The following FRY variants were observed in gnomAD, a reference collection of about 807,000 sequenced individuals.
The protein encoded by FRY is protein furry homolog.
In FRY, 128 loss-of-function variants were observed where a neutral mutation model predicts 348.4. That is an observed-to-expected ratio of 0.37 (90% CI 0.32 to 0.43). The LOEUF is 0.43. Ranked by LOEUF, FRY falls within the 20% of genes least tolerant of loss-of-function variation. FRY has a pLI of 1.00. For missense variants in FRY, 2,736 were observed against 3,695.2 expected, an observed-to-expected ratio of 0.74 and a Z score of 6.73; for synonymous variants, 1,370 against 1,374.7, an observed-to-expected ratio of 1.00 and a Z score of 0.08.
intron 1 of FRY, among the ~76,000 whole-genome samples, chr13:32,078,232 G>C (rs1156248497): frequency 1.3e-5 from 2 of 152,158 alleles, no homozygotes; most frequent in Non-Finnish European, 2.9e-5. Context: ...TGAGCCAAAG[G>C]GTGGTGAAAG....
At chr13:32,039,539 G>A (rs1048663109) in intron 1 of FRY, among the ~76,000 whole-genome samples, 1 of 151,814 alleles carries the variant, frequency 6.6e-6, no homozygotes, top group Non-Finnish European at 1.5e-5. Flanking sequence ...ATATATTTCC[G>A]TAAGTTAAAT....
At chr13:32,181,390 T>C (rs923261633) in intron 23 of FRY, among the ~76,000 whole-genome samples, 1 of 146,884 alleles carries the variant, frequency 6.8e-6, no homozygotes, top group Non-Finnish European at 1.5e-5. Flanking sequence ...AGGTCAGGAG[T>C]TTAAGACCAG....
chr13:32,294,629 T>C (rs1030657600), intron 60 of FRY, 59 bp downstream of exon 60: 5 of 1,298,260 alleles, frequency 3.9e-6, no homozygotes, highest in Non-Finnish European at 3.4e-6. Context: ...GTTGTTACTC[T>C]GTCATGGTTG....
intron 37 of FRY, 46 bp from the exon 38 acceptor site, chr13:32,224,887 C>A: frequency 1.8e-6 from 2 of 1,089,148 alleles, no homozygotes; most frequent in Non-Finnish European, 2.9e-6. Flanking sequence ...ACTAGTATTT[C>A]CATCCCCTTC....
At chr13:32,184,528 A>G in intron 24 of FRY, 72 bp from the exon 25 acceptor site, 1 of 909,314 alleles carries the variant, frequency 1.1e-6, no homozygotes, top group South Asian at 1.4e-5. Context: ...CCTTTTGTTA[A>G]TACCATTTTC....
intron 16 of FRY, among the ~76,000 whole-genome samples, chr13:32,160,406 G>A (rs758825337): frequency 6.6e-6 from 1 of 152,050 alleles, no homozygotes; most frequent in Non-Finnish European, 1.5e-5. Flanking sequence ...AAAATAAGTG[G>A]TTAAAAATCT....
intron 1 of FRY, among the ~76,000 whole-genome samples, chr13:32,050,305 C>T (rs1233179648): frequency 6.6e-6 from 1 of 152,068 alleles, no homozygotes; most frequent in South Asian, 2.1e-4. Flanking sequence ...GACAATCTCT[C>T]GGAAAAATAT....
intron 36 of FRY, among the ~76,000 whole-genome samples, chr13:32,221,345 T>G (rs1885302565): frequency 6.6e-6 from 1 of 152,250 alleles, no homozygotes; most frequent in African/African-American, 2.4e-5. Context: ...TAGTATGTTC[T>G]TCCTCTTAAT....
rs928971567 is a variant in FRY, at chr13:32,215,239, A to G, written c.4682+2857A>G. Among the ~76,000 whole-genome samples, 2 of 152,220 alleles carry G rather than the reference A, an allele frequency of 1.3e-5. 1 individual carries two copies. Among genetic ancestry groups the G allele is most frequent in the Non-Finnish European group, 2.9e-5 (2 of 68,040 alleles). ...AAAAAAGCTATTCAAGTTAACAGTA[A>G]TCTATGAAACATTTCAAAATAGCTA... On this transcript the variant is annotated intron_variant, in intron 35 of 60. Transcript: ENST00000542859.
chr13:32,289,737 GC>G lies in FRY; in HGVS notation c.8576del (p.Pro2859GlnfsTer4). The G allele has an allele frequency of 6.3e-7, 1 of 1,583,160 alleles. No homozygotes were observed. Among genetic ancestry groups the G allele is most frequent in the Non-Finnish European group, 8.7e-7 (1 of 1,151,732 alleles). ...IGQVHEVSSM[P>X]ELLNMSRELS... ...GCCAGGTGCACGAAGTTAGCTCCAT[GC>G]CAGAGGTGAGTCCACACGCTTCCCA... On this transcript the variant is annotated frameshift_variant, in exon 59 of 61. Transcript: ENST00000542859. LOFTEE classifies it high-confidence loss of function.
At chr13:32,058,504 A>C (rs1009563411) in intron 1 of FRY, among the ~76,000 whole-genome samples, 1 of 152,114 alleles carries the variant, frequency 6.6e-6, no homozygotes, top group Non-Finnish European at 1.5e-5. Context: ...TCTAAGTTTT[A>C]TGTCTGCTTT....
chr13:32,106,741 T>C (rs1000013025), intron 3 of FRY, among the ~76,000 whole-genome samples: 1 of 152,206 alleles, frequency 6.6e-6, no homozygotes, highest in Non-Finnish European at 1.5e-5. Flanking sequence ...TGACTATGTG[T>C]CCGTCTAAAA....
Position 32,244,073 on chromosome 13 carries a change from A to C in FRY, c.6719A>C (p.Gln2240Pro). ...GAGAAGGGCCTCCCTAGTGTGCAGCAGCCCCTGCTCCAGGTGATCTACAGT... is the reference window on the plus strand; with the variant it reads ...GAGAAGGGCCTCCCTAGTGTGCAGCCGCCCCTGCTCCAGGTGATCTACAGT... ...LLEKGLPSVQ[Q>P]PLLQVIYSLL... The change falls in exon 47 of 61, where the codon CAG (glutamine) becomes CCG (proline). Residue 2240 changes from glutamine (Q) to proline (P), a missense_variant. Gln to Pro is a moderately conservative substitution (Grantham distance 76). Around this residue, in one of 9 missense-constraint regions of FRY, gnomAD observed 789 missense variants for 996.2 expected, o/e 0.79. Transcript: ENST00000542859. The C allele has an allele frequency of 6.2e-7, 1 of 1,614,172 alleles. No homozygotes were observed. The highest frequency in any genetic ancestry group is 8.5e-7 in the Non-Finnish European group (1 of 1,179,992).
chr13:32,249,741 C>A, intron 49 of FRY, 54 bp downstream of exon 49: 2 of 1,539,478 alleles, frequency 1.3e-6, no homozygotes, highest in Non-Finnish European at 1.8e-6. Flanking sequence ...CCTGTTGAGT[C>A]CATGTGGCTG....
rs747728498 is a variant in FRY, at chr13:32,178,307, C to G, written c.2552C>G (p.Pro851Arg). The G allele has an allele frequency of 6.2e-6, 10 of 1,614,170 alleles. No homozygotes were observed. The highest frequency in any genetic ancestry group is 8.5e-6 in the Non-Finnish European group (10 of 1,180,034). ...VWIFAQSVKD[P>R]WVLCLFSFLR... ...ATATTTGCACAGTCTGTCAAAGACC[C>G]CTGGGTCCTCTGCCTCTTCAGCTTC... is the stretch of plus-strand genomic sequence containing the variant. Residue 851 changes from proline (P) to arginine (R), a missense_variant, in exon 21 of 61, where the codon CCC becomes CGC. This residue lies in a region of FRY where 449 missense variants were observed against 576.9 expected (regional missense o/e 0.78). Coordinates refer to ENST00000542859, the MANE Select transcript of FRY (RefSeq NM_023037.3).
rs1311895581 is a variant in FRY, at chr13:32,297,383, CT to C, written c.*1926del. ...TTCTGTGGCTAACCACAGTAGACAA[CT>C]TTCAGAGAGTTTTGTTGGGAGCCAC... On this transcript the variant is annotated 3_prime_UTR_variant, in exon 61 of 61. Coordinates refer to ENST00000542859, the MANE Select transcript of FRY (RefSeq NM_023037.3). The C allele has an allele frequency of 6.6e-6, 1 of 151,742 alleles. No individual in the cohort carries two copies. The highest frequency in any genetic ancestry group is 1.9e-4 in the East Asian group (1 of 5,176). The allele number at this position is 151,742 out of a possible 1,614,324, so 9.4% of individuals were successfully genotyped here.
rs755675800 is a variant in FRY, at chr13:32,185,117, A to G, written c.3288A>G (p.Ala1096=). The G allele has an allele frequency of 1.6e-5, 26 of 1,614,020 alleles. No individual in the cohort carries two copies. The highest frequency in any genetic ancestry group is 1.9e-5 in the Non-Finnish European group (22 of 1,179,972). The change falls in exon 26 of 61, where the codon GCA becomes GCG. Residue 1096 remains alanine, a synonymous_variant. Coordinates refer to ENST00000542859, the MANE Select transcript of FRY (RefSeq NM_023037.3). ...AAGATATCCGGGCACATTTTAGTGC[A>G]ATGGTGGCCAACTTGATTCAGTGTG... ...ILKDIRAHFS[A]MVANLIQCVP... is the part of the protein sequence containing the mutation.
In FRY at chr13:32,262,491, C is replaced by T. The variant is rs978744937; in HGVS notation, c.7779+16C>T. 1 of 1,599,358 alleles carries T rather than the reference C, an allele frequency of 6.3e-7. No homozygotes were observed. The highest frequency in any genetic ancestry group is 1.3e-5 in the African/African-American group (1 of 74,754). On this transcript the variant is annotated intron_variant, in intron 53 of 60. Coordinates refer to ENST00000542859, the MANE Select transcript of FRY (RefSeq NM_023037.3). ...GGGTTCAAAGGTGAAGAGATTTTAA[C>T]AATGATGATTTGTACTTCCCTTAAA...
At chr13:32,127,506 G>A (rs568273357) in intron 7 of FRY, among the ~76,000 whole-genome samples, 11 of 152,026 alleles carry the variant, frequency 7.2e-5, no homozygotes, top group South Asian at 2.1e-4. Context: ...GTCTGAGTGC[G>A]GTGGCTCACA....
Sources: allele counts gnomAD v4.1 joint callset (sites outside exome capture counted in the v4.1 genomes callset), GRCh38; gene constraint gnomAD v4.1.1; regional missense constraint gnomAD v4.1.1; transcripts MANE v1.5; gene names NCBI Gene and HGNC (gene_info 2026-07-23, HGNC 2026-07-21).